Variants in TNNI3K observed in about 807,000 individuals in gnomAD.
The protein encoded by TNNI3K is serine/threonine-protein kinase TNNI3K.
A neutral mutation model predicts 114.5 loss-of-function variants in TNNI3K; 140 were observed. The ratio of observed to expected loss-of-function variants is 1.22; its 90% CI spans 1.07 to 1.41. The LOEUF is 1.41. Ranked by LOEUF, TNNI3K falls within the 40% of genes most tolerant of loss-of-function variation. The probability of loss-of-function intolerance (pLI) is 0.00; values close to 1 mark genes in which losing one functional copy is unlikely to be tolerated. For synonymous variants in TNNI3K, 347 were observed against 347.5 expected (o/e 1.00, Z 0.02); for missense variants, 1,125 against 1,007.6 (o/e 1.12, Z -1.58).
chr1:74,472,723 A>G (rs914496826), intron 21 of TNNI3K, among the ~76,000 whole-genome samples: 1 of 152,292 alleles, frequency 6.6e-6, no homozygotes, highest in Admixed American at 6.5e-5. Flanking sequence ...TTTATTTCCC[A>G]TAACTTAATA....
chr1:74,429,588 G>A (rs1194584993), intron 17 of TNNI3K, among the ~76,000 whole-genome samples: 2 of 152,098 alleles, frequency 1.3e-5, no homozygotes. Context: ...ACCAAGGTAA[G>A]ACTCCCCAGA....
chr1:74,283,366 T>C (rs1030821540), intron 5 of TNNI3K, among the ~76,000 whole-genome samples: 10 of 152,184 alleles, frequency 6.6e-5, no homozygotes, highest in Admixed American at 3.9e-4. Context: ...TTATTATCAG[T>C]TATTTTAAGG....
chr1:74,278,456 T>A (rs1474214174), intron 5 of TNNI3K, among the ~76,000 whole-genome samples: 2 of 152,126 alleles, frequency 1.3e-5, no homozygotes, highest in Non-Finnish European at 2.9e-5. Flanking sequence ...TTAGAATATG[T>A]CAGGAAAACA....
chr1:74,457,039 T>G (rs1667256160), intron 20 of TNNI3K, among the ~76,000 whole-genome samples: 1 of 152,210 alleles, frequency 6.6e-6, no homozygotes, highest in South Asian at 2.1e-4. Flanking sequence ...TAAAGCATTC[T>G]GGATATAATA....
intron 17 of TNNI3K, among the ~76,000 whole-genome samples, chr1:74,397,834 T>C (rs915049836): frequency 3.9e-5 from 6 of 152,176 alleles, no homozygotes; most frequent in Non-Finnish European, 8.8e-5. Flanking sequence ...AAAAGGTAGA[T>C]TACCCAATAA....
chr1:74,278,122 A>G (rs959040249), intron 5 of TNNI3K, among the ~76,000 whole-genome samples: 2 of 40,334 alleles, frequency 5.0e-5, no homozygotes, highest in Admixed American at 7.0e-4. Flanking sequence ...GAATTATAAA[A>G]TATGGTTTCT....
At chr1:74,498,118 C>A (rs1669427079) in intron 23 of TNNI3K, among the ~76,000 whole-genome samples, 1 of 152,188 alleles carries the variant, frequency 6.6e-6, no homozygotes, top group Non-Finnish European at 1.5e-5. Context: ...AATTATCTTA[C>A]ACAAAATGAC....
chr1:74,326,655 T>G (rs983271555), intron 5 of TNNI3K, among the ~76,000 whole-genome samples: 1 of 152,152 alleles, frequency 6.6e-6, no homozygotes, highest in Non-Finnish European at 1.5e-5. Context: ...ACCAGAAAGA[T>G]TACATTGTGT....
intron 5 of TNNI3K, among the ~76,000 whole-genome samples, chr1:74,308,087 A>G (rs1182239225): frequency 2.0e-5 from 3 of 151,948 alleles, no homozygotes; most frequent in African/African-American, 7.2e-5. Context: ...ACATCCCAGT[A>G]ATTGCATTAG....
chr1:74,530,914 T>C (rs998043941), intron 23 of TNNI3K, among the ~76,000 whole-genome samples: 1 of 152,190 alleles, frequency 6.6e-6, no homozygotes, highest in African/African-American at 2.4e-5. Flanking sequence ...GTTAGGTTAC[T>C]GTTGAGCCTA....
At chr1:74,394,871 C>T (rs1444904475) in intron 17 of TNNI3K, among the ~76,000 whole-genome samples, 4 of 151,886 alleles carry the variant, frequency 2.6e-5, no homozygotes, top group Admixed American at 6.6e-5. Context: ...GGTGAAACCC[C>T]GTCTCTACTA....
At chr1:74,412,523 T>A (rs1664930843) in intron 17 of TNNI3K, among the ~76,000 whole-genome samples, 1 of 152,100 alleles carries the variant, frequency 6.6e-6, no homozygotes. Flanking sequence ...TGCTAAAGAT[T>A]TGGGAGTTTT....
chr1:74,484,807 G>A (rs566790324), intron 21 of TNNI3K, among the ~76,000 whole-genome samples: 105 of 152,252 alleles, frequency 6.9e-4, no homozygotes, highest in African/African-American at 2.4e-3. Context: ...GGAAGTAATT[G>A]GAGGCTATAG....
intron 11 of TNNI3K, chr1:74,366,761 C>A (rs1662294317): frequency 6.6e-6 from 1 of 152,038 alleles, no homozygotes; most frequent in Non-Finnish European, 1.5e-5. Flanking sequence ...GGCAGGCAGC[C>A]AGCTGTCTCT....
chr1:74,386,087 C>T (rs1344450290), intron 17 of TNNI3K, among the ~76,000 whole-genome samples: 2 of 152,198 alleles, frequency 1.3e-5, no homozygotes, highest in Non-Finnish European at 2.9e-5. Context: ...CCACTGTACA[C>T]ATTCTCTTGC....
At chr1:74,425,828 G>A (rs1665611759) in intron 17 of TNNI3K, among the ~76,000 whole-genome samples, 1 of 152,022 alleles carries the variant, frequency 6.6e-6, no homozygotes, top group Non-Finnish European at 1.5e-5. Flanking sequence ...GTATTCTGGG[G>A]ACAGTCACAC....
At chr1:74,535,865 A>G (rs556068140) in intron 23 of TNNI3K, among the ~76,000 whole-genome samples, 1 of 152,270 alleles carries the variant, frequency 6.6e-6, no homozygotes, top group African/African-American at 2.4e-5. Context: ...TCTTACTTAC[A>G]AAGCAGTCAG....
chr1:74,274,148 T>G (rs1485568314), intron 5 of TNNI3K, among the ~76,000 whole-genome samples: 2 of 152,000 alleles, frequency 1.3e-5, no homozygotes, highest in African/African-American at 4.8e-5. Context: ...TATTATATAC[T>G]ATATTCTTAA....
intron 5 of TNNI3K, among the ~76,000 whole-genome samples, chr1:74,329,463 C>T (rs1660084450): frequency 6.6e-6 from 1 of 151,922 alleles, no homozygotes; most frequent in African/African-American, 2.4e-5. Flanking sequence ...GCCTATGTAC[C>T]TGCTTATATT....
Sources: gnomAD v4.1 joint callset for allele counts (sites outside exome capture counted in the v4.1 genomes callset) on GRCh38, gnomAD v4.1.1 for gene constraint, MANE v1.5 for transcripts, NCBI Gene and HGNC (gene_info 2026-07-23, HGNC 2026-07-21) for gene names.